The following S100PBP variants were observed in gnomAD, a reference collection of about 807,000 sequenced individuals.
S100PBP encodes S100P binding protein.
In S100PBP, 15 loss-of-function variants were observed where a neutral mutation model predicts 39.9. The observed-to-expected ratio is 0.38, with a 90% CI of 0.25 to 0.58. S100PBP has a LOEUF of 0.58. Ranked by LOEUF, S100PBP falls within the 20% of genes least tolerant of loss-of-function variation. The pLI, the probability that S100PBP is intolerant of heterozygous loss-of-function variation, is 0.70. For synonymous variants in S100PBP, 178 were observed against 180.3 expected (o/e 0.99, Z 0.10); for missense variants, 504 against 487.3 (o/e 1.03, Z -0.32).
intron 1 of S100PBP, among the ~76,000 whole-genome samples, chr1:32,824,537 T>C (rs188458860): frequency 6.6e-6 from 1 of 151,948 alleles, no homozygotes; most frequent in African/African-American, 2.4e-5. Flanking sequence ...CTGCGAGTTA[T>C]AATAGTCATC....
chr1:32,827,910 A>C, intron 3 of S100PBP, 83 bp from the exon 4 acceptor site: 1 of 968,722 alleles, frequency 1.0e-6, no homozygotes, highest in Non-Finnish European at 1.6e-6. Flanking sequence ...TTAGTTAAAA[A>C]ATATTTCCAT....
At chr1:32,821,465 G>T (rs116452244) in intron 1 of S100PBP, among the ~76,000 whole-genome samples, 2,757 of 151,682 alleles carry the variant, frequency 0.018, 82 homozygotes, top group African/African-American at 0.062. Context: ...GGGGTTATAG[G>T]TGCGCGCCAC....
At chr1:32,828,748 C>T (rs1277990821) in intron 4 of S100PBP, among the ~76,000 whole-genome samples, 1 of 152,104 alleles carries the variant, frequency 6.6e-6, no homozygotes, top group Non-Finnish European at 1.5e-5. Context: ...CACCTGTAAT[C>T]CCAGCACTTT....
intron 3 of S100PBP, among the ~76,000 whole-genome samples, chr1:32,827,436 C>T (rs1306311717): frequency 6.6e-6 from 1 of 152,102 alleles, no homozygotes; most frequent in Non-Finnish European, 1.5e-5. Context: ...CCTTTTTGAG[C>T]CCGATTCCCT....
rs1197420753 is a variant in S100PBP at position 32,826,779 on chromosome 1, A to G, written c.680A>G (p.Asn227Ser). Residue 227 changes from asparagine to serine, a missense_variant, in exon 3 of 7, where the codon AAT (asparagine) becomes AGT (serine). Coordinates refer to ENST00000373475, the MANE Select transcript of S100PBP (RefSeq NM_022753.4). ...TTTCAACAGACTGTCTCTGATAAAA[A>G]TATGCCTGACAGTGAGAACCCTACG... ...NNFQQTVSDK[N>S]MPDSENPTSV... The G allele has an allele frequency of 1.9e-6, 3 of 1,614,170 alleles. No homozygotes were observed. The South Asian group carries it at 3.3e-5, about 18-fold the overall frequency.
At chr1:32,845,871 G>C (rs1640347896) in intron 5 of S100PBP, among the ~76,000 whole-genome samples, 2 of 150,976 alleles carry the variant, frequency 1.3e-5, no homozygotes, top group African/African-American at 4.9e-5. Context: ...TAGAGATGGG[G>C]TTTTGCCATG....
chr1:32,827,479 G>A (rs141679005), intron 3 of S100PBP, among the ~76,000 whole-genome samples: 33 of 152,028 alleles, frequency 2.2e-4, no homozygotes, highest in African/African-American at 6.5e-4. Flanking sequence ...TCCCTGCCAC[G>A]TAGGGTTTCT....
intron 1 of S100PBP, among the ~76,000 whole-genome samples, chr1:32,820,883 C>T (rs61800868): frequency 0.14 from 20,855 of 152,088 alleles, 1,774 homozygotes; most frequent in South Asian, 0.23. Flanking sequence ...TGGTGTGTAC[C>T]TGTAGTCCCA....
intron 6 of S100PBP, among the ~76,000 whole-genome samples, chr1:32,854,238 C>A (rs1370551868): frequency 6.6e-6 from 1 of 152,104 alleles, no homozygotes; most frequent in Non-Finnish European, 1.5e-5. Context: ...TCTCTGGATA[C>A]CAAAATCCAC....
At chr1:32,854,797 CA>C (rs1432776708) in intron 6 of S100PBP, among the ~76,000 whole-genome samples, 2 of 152,192 alleles carry the variant, frequency 1.3e-5, no homozygotes, top group African/African-American at 2.4e-5. Context: ...CCTCTTGCTT[CA>C]GGGCCTTTAC....
In S100PBP at chr1:32,826,789, C is replaced by G. The variant is rs372046285; in HGVS notation, c.690C>G (p.Asp230Glu). The G allele has an allele frequency of 5.6e-6, 9 of 1,613,988 alleles. No homozygotes were observed. Among genetic ancestry groups the G allele is most frequent in the Non-Finnish European group, 6.8e-6 (8 of 1,179,990 alleles). The change falls in exon 3 of 7, where the codon GAC (aspartate) becomes GAG (glutamate). Residue 230 changes from aspartate (D) to glutamate (E), a missense_variant. By Grantham distance (45) the Asp-to-Glu change is conservative (BLOSUM62 2). Transcript: ENST00000373475. ...CTGTCTCTGATAAAAATATGCCTGACAGTGAGAACCCTACGTCTGTATTCT... is the reference window on the plus strand; with the variant it reads ...CTGTCTCTGATAAAAATATGCCTGAGAGTGAGAACCCTACGTCTGTATTCT... Reference protein sequence around the residue: ...QQTVSDKNMPDSENPTSVFSR... With the variant: ...QQTVSDKNMPESENPTSVFSR...
At chr1:32,844,673 T>C (rs1640275308) in intron 5 of S100PBP, among the ~76,000 whole-genome samples, 1 of 151,982 alleles carries the variant, frequency 6.6e-6, no homozygotes, top group Admixed American at 6.6e-5. Context: ...TCTCCAGCTT[T>C]GGCCTCCCAA....
chr1:32,822,532 G>A (rs1007130183), intron 1 of S100PBP, among the ~76,000 whole-genome samples: 1 of 151,064 alleles, frequency 6.6e-6, no homozygotes, highest in East Asian at 1.9e-4. Flanking sequence ...CAGGAGAATG[G>A]TGTGAACCCG....
At position 32,833,013 on chromosome 1, in the gene S100PBP, G is replaced by A. The variant is rs377206730; in HGVS notation, c.1024+2946G>A. On this transcript the variant is annotated intron_variant, in intron 5 of 6. Coordinates refer to ENST00000373475, the MANE Select transcript of S100PBP (RefSeq NM_022753.4). ...TTTTTTTTATAATAACACTTAAAAA[G>A]AAATACCAACAACTTCCTTTCTGGT... 9.2e-5 allele frequency among the ~76,000 whole-genome samples: 14 copies of A among 151,518 alleles called. No homozygotes were observed. The East Asian group carries it at 2.1e-3, about 23-fold the overall frequency.
intron 5 of S100PBP, among the ~76,000 whole-genome samples, chr1:32,843,998 C>G (rs1329745191): frequency 6.6e-6 from 1 of 152,082 alleles, no homozygotes; most frequent in Non-Finnish European, 1.5e-5. Context: ...ACTGCAGTCT[C>G]CGCCTTCCAG....
intron 6 of S100PBP, 32 bp from the exon 7 acceptor site, chr1:32,855,892 C>A (rs368134920): frequency 1.0e-4 from 154 of 1,473,774 alleles, no homozygotes; most frequent in Non-Finnish European, 1.3e-4. Context: ...GTTGAAATAG[C>A]CTTCCTGTTT....
Position 32,853,063 on chromosome 1 carries a change from T to TC in S100PBP, c.1025-13dup, listed in dbSNP as rs1640677642. 1 of 1,589,568 alleles carries TC rather than the reference T, an allele frequency of 6.3e-7. No homozygotes were observed. Among genetic ancestry groups the TC allele is most frequent in the Non-Finnish European group, 8.6e-7 (1 of 1,158,496 alleles). On this transcript the variant is annotated splice_polypyrimidine_tract_variant and intron_variant, in intron 5 of 6. Transcript: ENST00000373475. ...TCACTCAGCTGTTCCTAACCACTGA[T>TC]CCCTCTGTATCACAGGTATCTCGGG...
intron 1 of S100PBP, chr1:32,824,993 G>T (rs140513507): frequency 6.6e-6 from 1 of 152,006 alleles, no homozygotes; most frequent in Admixed American, 6.6e-5. Flanking sequence ...AGTTATTGGA[G>T]CTGGCTAGTG....
At chr1:32,847,734 G>T (rs1183232599) in intron 5 of S100PBP, 1 of 150,982 alleles carries the variant, frequency 6.6e-6, no homozygotes, top group East Asian at 1.9e-4. Context: ...TGACACATTT[G>T]CATTCTTGCC....
Sources: gnomAD v4.1 joint callset for allele counts (sites outside exome capture counted in the v4.1 genomes callset) on GRCh38, gnomAD v4.1.1 for gene constraint, MANE v1.5 for transcripts, NCBI Gene and HGNC (gene_info 2026-07-23, HGNC 2026-07-21) for gene names.